Variants in HSD17B14 observed in about 807,000 individuals in gnomAD.
HSD17B14 encodes L-fucose dehydrogenase.
In HSD17B14, 32 loss-of-function variants were observed where a neutral mutation model predicts 32.2. That is an observed-to-expected ratio of 0.99 (90% CI 0.75 to 1.33). The LOEUF (loss-of-function observed/expected upper bound fraction) is 1.33, where lower values mean the gene tolerates loss of function less well. HSD17B14 is among the 40% of genes most tolerant of loss of function. The pLI, the probability that HSD17B14 is intolerant of heterozygous loss-of-function variation, is 0.00. For synonymous variants in HSD17B14, 140 were observed against 155.4 expected, an observed-to-expected ratio of 0.90 and a Z score of 0.74; for missense variants, 370 against 366.5, an observed-to-expected ratio of 1.01 and a Z score of -0.08.
At chr19:48,822,118 G>GT (rs2035163569) in intron 5 of HSD17B14, among the ~76,000 whole-genome samples, 2 of 148,102 alleles carry the variant, frequency 1.4e-5, no homozygotes, top group African/African-American at 5.0e-5. Context: ...GGCAATGATG[G>GT]TGATGCTGAT....
chr19:48,822,607 T>C (rs1363770095), intron 5 of HSD17B14, among the ~76,000 whole-genome samples: 12 of 151,170 alleles, frequency 7.9e-5, no homozygotes, highest in Non-Finnish European at 1.0e-4. Flanking sequence ...ATGGTGATGG[T>C]GATGATTGTG....
In HSD17B14 at chr19:48,831,758, G is replaced by T. The variant is rs2035339760; in HGVS notation, c.279C>A (p.His93Gln). The T allele has an allele frequency of 1.2e-6, 2 of 1,601,076 alleles. No homozygotes were observed. The highest frequency in any genetic ancestry group is 1.7e-6 in the Non-Finnish European group (2 of 1,169,710). Residue 93 changes from histidine (H) to glutamine (Q), a missense_variant and splice_region_variant, in exon 5 of 9, where the codon CAC becomes CAA. By Grantham distance (24) the His-to-Gln change is conservative. Coordinates refer to ENST00000263278, the MANE Select transcript of HSD17B14 (RefSeq NM_016246.3). ...LDCVVNNAGHHPPPQRPEETS... is the reference protein window; with the variant it reads ...LDCVVNNAGHQPPPQRPEETS... ...TCTCCTCAGGCCTCTGTGGGGGTGG[G>T]TCTAAAGTGGGGGGTGAGAGAGAGA... is the stretch of plus-strand genomic sequence containing the variant.
At chr19:48,816,642 C>G (rs1254667566) in intron 5 of HSD17B14, among the ~76,000 whole-genome samples, 7 of 152,132 alleles carry the variant, frequency 4.6e-5, no homozygotes, top group African/African-American at 1.7e-4. Flanking sequence ...GTGAGGTCTT[C>G]CCTGGCTATA....
intron 5 of HSD17B14, among the ~76,000 whole-genome samples, chr19:48,817,026 T>C (rs941528849): frequency 3.3e-5 from 4 of 121,310 alleles, no homozygotes; most frequent in Non-Finnish European, 5.3e-5. Context: ...TTTTTTTTTT[T>C]AGTGGAGACA....
At chr19:48,833,898 G>C (rs2035395471) in intron 3 of HSD17B14, among the ~76,000 whole-genome samples, 1 of 151,992 alleles carries the variant, frequency 6.6e-6, no homozygotes, top group African/African-American at 2.4e-5. Flanking sequence ...GCTGAGATAG[G>C]AGAATGGCTT....
intron 5 of HSD17B14, among the ~76,000 whole-genome samples, chr19:48,826,437 T>C (rs2035246721): frequency 7.3e-6 from 1 of 136,624 alleles, no homozygotes; most frequent in Non-Finnish European, 1.5e-5. Flanking sequence ...AAGGTTGTGG[T>C]GAGCCGAGAT....
chr19:48,823,198 A>G (rs2035188553), intron 5 of HSD17B14, among the ~76,000 whole-genome samples: 1 of 147,294 alleles, frequency 6.8e-6, no homozygotes, highest in African/African-American at 2.4e-5. Context: ...TATTTTTGTT[A>G]TGTAAAAAAG....
Position 48,813,359 on chromosome 19 carries a change from A to G in HSD17B14, c.640-11T>C, listed in dbSNP as rs755744192. 6.4e-7 allele frequency: 1 copy of G among 1,564,804 alleles called. No homozygotes were observed. Among genetic ancestry groups the G allele is most frequent in the Non-Finnish European group, 8.7e-7 (1 of 1,154,054 alleles). On this transcript the variant is annotated splice_polypyrimidine_tract_variant and intron_variant, in intron 8 of 8. Coordinates refer to ENST00000263278, the MANE Select transcript of HSD17B14 (RefSeq NM_016246.3). ...CATGCGGCCCAGTGGCTGGGGAGAA[A>G]AGAGGGGGGAAGGAGGTCAAGAGGA...
rs2122806267 is a variant in HSD17B14, at chr19:48,834,292, T to C, written c.194A>G (p.Gln65Arg). The C allele has an allele frequency of 6.2e-7, 1 of 1,613,950 alleles. No individual in the cohort carries two copies. The highest frequency in any genetic ancestry group is 1.1e-5 in the South Asian group (1 of 91,082). The change falls in exon 3 of 9, where the codon CAG (glutamine) becomes CGG (arginine). Residue 65 changes from glutamine to arginine, a missense_variant. Physicochemically the swap from Gln to Arg is conservative, Grantham distance 43. Transcript: ENST00000263278. Reference protein sequence around the residue: ...GAVFILCDVTQEDDVKTLVSE... With the variant: ...GAVFILCDVTREDDVKTLVSE... ...TCGGCTTACCTTCACATCATCTTCC[T>C]GAGTCACATCACAGAGGATAAAGAC...
At chr19:48,822,054 G>A (rs2035160937) in intron 5 of HSD17B14, among the ~76,000 whole-genome samples, 1 of 137,852 alleles carries the variant, frequency 7.3e-6, no homozygotes, top group African/African-American at 2.8e-5. Flanking sequence ...TTGTGGTGAT[G>A]ATGGTGATGA....
chr19:48,813,469 C>T lies in HSD17B14; in HGVS notation c.626G>A (p.Gly209Asp). Residue 209 changes from glycine to aspartate, a missense_variant, in exon 8 of 9, where the codon GGC becomes GAC. Gly to Asp is a moderately conservative substitution (Grantham distance 94, BLOSUM62 -1). Coordinates refer to ENST00000263278, the MANE Select transcript of HSD17B14 (RefSeq NM_016246.3). ...CCCCACTTCTACCTGGGCCAGCATG[C>T]CCTCTCGGATTGTGGCCCTAGGGTC... ...MPDPRATIRE[G>D]MLAQPLGRMG... 2 of 1,612,290 alleles carry T rather than the reference C, an allele frequency of 1.2e-6. No homozygotes were observed.
rs183482727 is a variant in HSD17B14, at chr19:48,819,981, G to A, written c.370-4840C>T. Among the ~76,000 whole-genome samples the A allele has an allele frequency of 2.9e-3, 443 of 151,888 alleles. 9 individuals carry two copies. Among genetic ancestry groups the A allele is most frequent in the Admixed American group, 0.028 (429 of 15,224 alleles). ...CTGGACAACATGGTGAGACTCCCTC[G>A]CAGCCATCTCAACAAAAATACAAAA... On this transcript the variant is annotated intron_variant, in intron 5 of 8. Coordinates refer to ENST00000263278, the MANE Select transcript of HSD17B14 (RefSeq NM_016246.3).
At chr19:48,827,080 T>G (rs1275215950) in intron 5 of HSD17B14, among the ~76,000 whole-genome samples, 2 of 151,606 alleles carry the variant, frequency 1.3e-5, no homozygotes, top group African/African-American at 4.8e-5. Context: ...TCTCGCTCTG[T>G]CGCCCAGGCT....
At chr19:48,834,223 A>G in intron 3 of HSD17B14, 53 bp downstream of exon 3, 1 of 1,443,914 alleles carries the variant, frequency 6.9e-7, no homozygotes. Flanking sequence ...CTGGAGGAGA[A>G]CAAAGAACTG....
chr19:48,834,259 A>ACAGGAACT lies in HSD17B14; in HGVS notation c.210+9_210+16dup. 6.2e-7 allele frequency: 1 copy of ACAGGAACT among 1,605,774 alleles called. No homozygotes were observed. The highest frequency in any genetic ancestry group is 8.5e-7 in the Non-Finnish European group (1 of 1,172,668). ...GTCATTAGCGGAGATGGGGGTAGGAACAGGAACTCGGCTTACCTTCACATC... is the reference window on the plus strand; with the variant it reads ...GTCATTAGCGGAGATGGGGGTAGGAACAGGAACTCAGGAACTCGGCTTACCTTCACATC... On this transcript the variant is annotated intron_variant, in intron 3 of 8. Coordinates refer to ENST00000263278, the MANE Select transcript of HSD17B14 (RefSeq NM_016246.3).
chr19:48,825,780 C>G (rs1318808992), intron 5 of HSD17B14, among the ~76,000 whole-genome samples: 6 of 152,066 alleles, frequency 3.9e-5, no homozygotes, highest in Non-Finnish European at 1.5e-5. Flanking sequence ...TTATTTCTGC[C>G]TCCCTGCCCC....
chr19:48,826,491 CAAAA>C (rs747731627), intron 5 of HSD17B14, among the ~76,000 whole-genome samples: 4 of 41,094 alleles, frequency 9.7e-5, no homozygotes, highest in African/African-American at 1.9e-4. Context: ...AAGATTGTCT[CAAAA>C]AAAAAAAAAA....
chr19:48,829,182 C>T (rs1286107722), intron 5 of HSD17B14, among the ~76,000 whole-genome samples: 1 of 152,090 alleles, frequency 6.6e-6, no homozygotes, highest in Non-Finnish European at 1.5e-5. Context: ...TCATTCCCTC[C>T]CCAGCTCTCC....
chr19:48,820,050 G>A (rs1042810838), intron 5 of HSD17B14, among the ~76,000 whole-genome samples: 1 of 152,156 alleles, frequency 6.6e-6, no homozygotes, highest in Non-Finnish European at 1.5e-5. Flanking sequence ...CCAGGTTTTC[G>A]GGAGGCTGAG....
Sources: gnomAD v4.1 joint callset for allele counts (sites outside exome capture counted in the v4.1 genomes callset) on GRCh38, gnomAD v4.1.1 for gene constraint, MANE v1.5 for transcripts, NCBI Gene and HGNC (gene_info 2026-07-23, HGNC 2026-07-21) for gene names.